The following SCUBE2 variants were observed in gnomAD, a reference collection of about 807,000 sequenced individuals.
SCUBE2 encodes signal peptide, CUB domain and EGF like domain containing 2.
Under a neutral mutation model 125.9 loss-of-function variants are expected in SCUBE2, and 114 were observed. That is an observed-to-expected ratio of 0.91 (90% confidence interval 0.78 to 1.06). The LOEUF (loss-of-function observed/expected upper bound fraction) is 1.06. Ranked by LOEUF, SCUBE2 falls within the 50% of genes least tolerant of loss-of-function variation. The pLI, the probability that SCUBE2 is intolerant of heterozygous loss-of-function variation, is 0.00. For synonymous variants in SCUBE2, 459 were observed against 492.9 expected (o/e 0.93, Z 0.91); for missense variants, 1,255 against 1,301.8 (o/e 0.96, Z 0.55).
intron 18 of SCUBE2, chr11:9,030,248 A>G (rs1195125334): frequency 1.7e-6 from 1 of 600,538 alleles, no homozygotes; most frequent in African/African-American, 1.9e-5. Context: ...ATATAGAGGA[A>G]CAAGATATGT....
intron 16 of SCUBE2, among the ~76,000 whole-genome samples, chr11:9,045,039 C>T (rs1043033768): frequency 6.6e-6 from 1 of 152,162 alleles, no homozygotes. Flanking sequence ...TAGTATCTTT[C>T]CTCGTTTATT....
intron 21 of SCUBE2, chr11:9,024,388 T>G (rs775942524): frequency 8.5e-6 from 11 of 1,288,446 alleles, no homozygotes; most frequent in Non-Finnish European, 1.0e-5. Context: ...TTGTCTTGGG[T>G]GTTTGTTTGA....
chr11:9,068,029 G>A (rs1031397470), intron 5 of SCUBE2, among the ~76,000 whole-genome samples: 6 of 152,128 alleles, frequency 3.9e-5, no homozygotes, highest in Non-Finnish European at 7.4e-5. Context: ...GCCTGACTTC[G>A]AGGGGCCCTA....
rs147079601 is a variant in SCUBE2 at position 9,059,369 on chromosome 11, C to T, written c.1024G>A (p.Val342Met). Residue 342 changes from valine to methionine, a missense_variant, in exon 9 of 23, where the codon GTG becomes ATG. Val to Met is a conservative substitution (Grantham distance 21, BLOSUM62 1). Around this residue, in one of 3 missense-constraint regions of SCUBE2, gnomAD observed 378 missense variants for 463.1 expected, o/e 0.82. Transcript: ENST00000649792. The part of the protein sequence containing the change: ...GGCDHFCKNI[V>M]GSFDCGCKKG... ...TTGCAGCCGCAGTCAAAACTGCCCA[C>T]GATGTTTTTGCAGAAATGATCACAA... The T allele has an allele frequency of 3.8e-5, 61 of 1,614,056 alleles. No homozygotes were observed. Among genetic ancestry groups the T allele is most frequent in the African/African-American group, 1.7e-4 (13 of 74,926 alleles).
intron 21 of SCUBE2, 109 bp downstream of exon 21, chr11:9,025,593 T>A: frequency 7.3e-7 from 1 of 1,373,614 alleles, no homozygotes; most frequent in Non-Finnish European, 1.0e-6. Flanking sequence ...CCCCTCATCT[T>A]GCCTGCCTTT....
At chr11:9,051,225 T>TCTAC (rs1555245377) in intron 13 of SCUBE2, among the ~76,000 whole-genome samples, 6,241 of 132,254 alleles carry the variant, frequency 0.047, 333 homozygotes, top group African/African-American at 0.14. Flanking sequence ...TATCTATCTA[T>TCTAC]CTACCTACCT....
chr11:9,084,465 T>C (rs1440712797), intron 2 of SCUBE2, among the ~76,000 whole-genome samples: 1 of 152,172 alleles, frequency 6.6e-6, no homozygotes, highest in Non-Finnish European at 1.5e-5. Context: ...GGATGAAGAT[T>C]TGAGGAGAAA....
At position 9,047,407 on chromosome 11, in the gene SCUBE2, G is replaced by T. The variant is rs148718644; in HGVS notation, c.1951C>A (p.Arg651Ser). 2 of 1,614,176 alleles carry T rather than the reference G, an allele frequency of 1.2e-6. No homozygotes were observed. Among genetic ancestry groups the T allele is most frequent in the African/African-American group, 2.7e-5 (2 of 75,040 alleles). The change falls in exon 16 of 23, where the codon CGC (arginine) becomes AGC (serine). Residue 651 changes from arginine to serine, a missense_variant. Physicochemically the swap from Arg to Ser is moderately radical, Grantham distance 110 (BLOSUM62 -1). Transcript: ENST00000649792. ...VAKKPPRTSE[R>S]QAESCGVGQG... is the part of the protein sequence containing the mutation. ...CCCACTCCACAGGACTCTGCCTGGC[G>T]TTCAGATGTTCTGGGAGGCTTTTTA... is the stretch of plus-strand genomic sequence containing the variant.
chr11:9,061,130 C>T (rs1859640758), intron 7 of SCUBE2, among the ~76,000 whole-genome samples: 2 of 152,146 alleles, frequency 1.3e-5, no homozygotes, highest in African/African-American at 4.8e-5. Flanking sequence ...AAGCAAACAG[C>T]CTTCTAGTTC....
intron 2 of SCUBE2, among the ~76,000 whole-genome samples, chr11:9,084,318 G>A (rs1468590559): frequency 6.6e-6 from 1 of 152,168 alleles, no homozygotes; most frequent in Non-Finnish European, 1.5e-5. Context: ...AAGTGGGGAC[G>A]AGGGAGAGAT....
chr11:9,052,832 C>G lies in SCUBE2; in HGVS notation c.1448G>C (p.Gly483Ala). The G allele has an allele frequency of 6.5e-7, 1 of 1,535,732 alleles. No homozygotes were observed. The highest frequency in any genetic ancestry group is 8.7e-7 in the Non-Finnish European group (1 of 1,145,604). The change falls in exon 13 of 23, where the codon GGA becomes GCA. Residue 483 changes from glycine (G) to alanine (A), a missense_variant and splice_region_variant. By Grantham distance (60) the Gly-to-Ala change is moderately conservative. Around this residue, in one of 3 missense-constraint regions of SCUBE2, gnomAD observed 378 missense variants for 463.1 expected, o/e 0.82. Coordinates refer to ENST00000649792, the MANE Select transcript of SCUBE2 (RefSeq NM_001367977.2). Reference sequence around the variant, plus strand: ...GGTGACAGAGTAGGCCCCTTGCAGTCCTGACAGACAGAATGTCAATTGTCA... The same window carrying G: ...GGTGACAGAGTAGGCCCCTTGCAGTGCTGACAGACAGAATGTCAATTGTCA... ...RCHSGIHLSS[G>A]LQGAYSVTCG...
At chr11:9,063,649 T>C (rs745768832) in intron 7 of SCUBE2, among the ~76,000 whole-genome samples, 20 of 152,186 alleles carry the variant, frequency 1.3e-4, no homozygotes, top group Non-Finnish European at 1.9e-4. Flanking sequence ...AATACCTCTA[T>C]CTCATTCGCC....
At chr11:9,051,512 G>A (rs1858412780) in intron 13 of SCUBE2, among the ~76,000 whole-genome samples, 2 of 152,192 alleles carry the variant, frequency 1.3e-5, no homozygotes, top group Admixed American at 6.5e-5. Flanking sequence ...AGGTCTGAGA[G>A]GGAGTGAGGG....
chr11:9,064,221 C>A (rs1027268951), intron 7 of SCUBE2, among the ~76,000 whole-genome samples: 2 of 152,268 alleles, frequency 1.3e-5, no homozygotes, highest in African/African-American at 2.4e-5. Flanking sequence ...AATCCAAACA[C>A]TTTGGGAGGC....
chr11:9,047,476 C>T lies in SCUBE2; in HGVS notation c.1882G>A (p.Glu628Lys). Residue 628 changes from glutamate (E) to lysine (K), a missense_variant, in exon 16 of 23, where the codon GAG (glutamate) becomes AAG (lysine). Physicochemically the swap from Glu to Lys is moderately conservative, Grantham distance 56. Coordinates refer to ENST00000649792, the MANE Select transcript of SCUBE2 (RefSeq NM_001367977.2). The stretch of plus-strand genomic sequence containing the variant: ...CCTGAGAGCTGGAGGTGAAACTGCT[C>T]CCTGTGGACGGCCTTTCTGAGCGTG... Reference protein sequence around the residue: ...IRTLRKAVHREQFHLQLSGMN... With the variant: ...IRTLRKAVHRKQFHLQLSGMN... 1.2e-6 allele frequency: 2 copies of T among 1,613,996 alleles called. No individual in the cohort carries two copies. The highest frequency in any genetic ancestry group is 2.2e-5 in the East Asian group (1 of 44,862).
chr11:9,078,118 T>A (rs1861349528), intron 3 of SCUBE2, among the ~76,000 whole-genome samples: 1 of 152,250 alleles, frequency 6.6e-6, no homozygotes, highest in East Asian at 1.9e-4. Context: ...CCATGTGGTA[T>A]GCCTCCCAAC....
At chr11:9,090,456 A>G (rs1407446869) in intron 1 of SCUBE2, 1 of 147,416 alleles carries the variant, frequency 6.8e-6, no homozygotes, top group East Asian at 2.0e-4. Context: ...CTTTCTTAAA[A>G]CATTATGAGA....
rs370883793 is a variant in SCUBE2, at chr11:9,027,441, C to T, written c.2624G>A (p.Arg875His). Reference protein sequence around the residue: ...TWTINPPPKRRILIVVPEIFL... With the variant: ...TWTINPPPKRHILIVVPEIFL... ...GATCTCAGGGACCACGATCAGGATG[C>T]GGCGCTTGGGGGGTGGGTTGATGGT... Residue 875 changes from arginine (R) to histidine (H), a missense_variant, in exon 20 of 23, where the codon CGC becomes CAC. Coordinates refer to ENST00000649792, the MANE Select transcript of SCUBE2 (RefSeq NM_001367977.2). 402 of 1,614,004 alleles carry T rather than the reference C, an allele frequency of 2.5e-4. No homozygotes were observed. Among genetic ancestry groups the T allele is most frequent in the Non-Finnish European group, 3.2e-4 (374 of 1,180,000 alleles).
chr11:9,047,601 A>G, intron 15 of SCUBE2, 39 bp from the exon 16 acceptor site: 23 of 1,592,326 alleles, frequency 1.4e-5, no homozygotes, highest in Non-Finnish European at 2.0e-5. Flanking sequence ...GGAGGAGATC[A>G]GGCTGCAGCG....
Sources: allele counts gnomAD v4.1 joint callset (sites outside exome capture counted in the v4.1 genomes callset), GRCh38; gene constraint gnomAD v4.1.1; regional missense constraint gnomAD v4.1.1; transcripts MANE v1.5; gene names NCBI Gene and HGNC (gene_info 2026-07-23, HGNC 2026-07-21).